NSD1: variants seen among roughly 807,000 people sequenced by gnomAD.
The protein encoded by NSD1 is nuclear receptor binding SET domain protein 1.
A neutral mutation model predicts 242.7 loss-of-function variants in NSD1; 26 were observed. The ratio of observed to expected loss-of-function variants is 0.11; its 90% confidence interval spans 0.08 to 0.15. NSD1 has a LOEUF of 0.15. Ranked by LOEUF, NSD1 falls within the 10% of genes least tolerant of loss-of-function variation. NSD1 has a pLI of 1.00. For synonymous variants in NSD1, 1,106 were observed against 1,178.1 expected, an observed-to-expected ratio of 0.94 and a Z score of 1.25; for missense variants, 2,495 against 3,272.8, an observed-to-expected ratio of 0.76 and a Z score of 5.80.
chr5:177,284,315 C>G (rs1759126622), intron 20 of NSD1, among the ~76,000 whole-genome samples: 2 of 152,226 alleles, frequency 1.3e-5, no homozygotes, highest in South Asian at 4.1e-4. Context: ...GAGCATTGCT[C>G]TGTTGCCCAG....
intron 13 of NSD1, among the ~76,000 whole-genome samples, chr5:177,259,333 G>A (rs913417276): frequency 3.9e-5 from 6 of 152,140 alleles, no homozygotes; most frequent in South Asian, 2.1e-4. Flanking sequence ...TTGCAGTTTC[G>A]ATGAGTGTGA....
chr5:177,280,416 C>A, intron 17 of NSD1, 149 bp from the exon 18 acceptor site: 1 of 864,710 alleles, frequency 1.2e-6, no homozygotes. Flanking sequence ...TCAAGTGAGG[C>A]TCTGTTTTTA....
intron 2 of NSD1, among the ~76,000 whole-genome samples, chr5:177,152,225 T>G (rs1757769655): frequency 6.6e-6 from 1 of 151,406 alleles, no homozygotes. Context: ...AGGCTAGTCT[T>G]TAATTCTTGG....
chr5:177,188,058 C>G (rs897511008), intron 2 of NSD1, among the ~76,000 whole-genome samples: 1 of 152,174 alleles, frequency 6.6e-6, no homozygotes, highest in Non-Finnish European at 1.5e-5. Context: ...TCTTTACTTA[C>G]ATTTTCTCTG....
intron 4 of NSD1, among the ~76,000 whole-genome samples, chr5:177,207,067 G>T (rs1762929433): frequency 6.6e-6 from 1 of 151,902 alleles, no homozygotes; most frequent in South Asian, 2.1e-4. Context: ...CTCCCAAGTA[G>T]CTGAGATTAC....
intron 12 of NSD1, among the ~76,000 whole-genome samples, chr5:177,255,092 G>A (rs1320512414): frequency 1.3e-5 from 2 of 152,072 alleles, no homozygotes. Flanking sequence ...ATTTTTTAAG[G>A]TCAGAAGTTT....
At chr5:177,230,216 G>C (rs765623450) in intron 5 of NSD1, among the ~76,000 whole-genome samples, 2 of 152,092 alleles carry the variant, frequency 1.3e-5, no homozygotes, top group Non-Finnish European at 2.9e-5. Context: ...CTGCCTCCTG[G>C]GTTCAAGTGA....
At chr5:177,278,217 C>A (rs1002012617) in intron 17 of NSD1, among the ~76,000 whole-genome samples, 1 of 152,188 alleles carries the variant, frequency 6.6e-6, no homozygotes, top group African/African-American at 2.4e-5. Context: ...ATACGATCCT[C>A]CCACTGCAGC....
chr5:177,185,731 A>G (rs1326494918), intron 2 of NSD1, among the ~76,000 whole-genome samples: 6 of 103,902 alleles, frequency 5.8e-5, no homozygotes, highest in African/African-American at 2.4e-4. Flanking sequence ...TATATATTAT[A>G]TATATTTTAT....
At chr5:177,200,833 T>G (rs1328046885) in intron 3 of NSD1, among the ~76,000 whole-genome samples, 19 of 152,114 alleles carry the variant, frequency 1.2e-4, no homozygotes, top group Non-Finnish European at 1.5e-5. Context: ...AACATTTGGG[T>G]TGTTTTCCTT....
intron 3 of NSD1, among the ~76,000 whole-genome samples, chr5:177,203,865 T>C (rs1762674400): frequency 6.6e-6 from 1 of 152,228 alleles, no homozygotes; most frequent in Admixed American, 6.5e-5. Flanking sequence ...AATCTACATT[T>C]AGCTGGTTTT....
chr5:177,242,195 A>G (rs1261279290), intron 8 of NSD1, among the ~76,000 whole-genome samples: 2 of 152,084 alleles, frequency 1.3e-5, no homozygotes, highest in Non-Finnish European at 2.9e-5. Flanking sequence ...GGAGCATTGT[A>G]ATTATTTTGT....
At chr5:177,257,973 C>CTTTTTTTTTTTTTTTTTTTTTTT in intron 13 of NSD1, among the ~76,000 whole-genome samples, 1 of 52,550 alleles carries the variant, frequency 1.9e-5, no homozygotes, top group Non-Finnish European at 3.2e-5. Context: ...CCCCCTGGGC[C>CTTTTTTTTTTTTTTTTTTTTTTT]TTTTTTTTTT....
chr5:177,257,192 C>A, intron 13 of NSD1, 41 bp downstream of exon 13: 30 of 1,327,900 alleles, frequency 2.3e-5, no homozygotes, highest in Non-Finnish European at 2.8e-5. Flanking sequence ...TGTAAAACCT[C>A]AGTTTAATTG....
intron 5 of NSD1, among the ~76,000 whole-genome samples, chr5:177,228,026 A>G (rs1764768057): frequency 6.6e-6 from 1 of 150,672 alleles, no homozygotes; most frequent in Non-Finnish European, 1.5e-5. Flanking sequence ...CTCAGGCTGC[A>G]TTGCGCTGTA....
chr5:177,176,276 T>G (rs75534047), intron 2 of NSD1, among the ~76,000 whole-genome samples: 1 of 151,988 alleles, frequency 6.6e-6, no homozygotes, highest in Non-Finnish European at 1.5e-5. Context: ...TTTTTTTTTT[T>G]GAGATGGAGT....
At chr5:177,185,525 G>T (rs1344954001) in intron 2 of NSD1, among the ~76,000 whole-genome samples, 1 of 150,556 alleles carries the variant, frequency 6.6e-6, no homozygotes, top group Admixed American at 6.8e-5. Flanking sequence ...TTGAACCCAG[G>T]AGGCGGAGGT....
intron 11 of NSD1, among the ~76,000 whole-genome samples, chr5:177,250,535 G>A (rs886647898): frequency 2.7e-5 from 4 of 148,070 alleles, no homozygotes; most frequent in African/African-American, 9.9e-5. Context: ...TGTAATTAAC[G>A]TTTTCCTATT....
intron 2 of NSD1, among the ~76,000 whole-genome samples, chr5:177,191,640 T>A (rs925589159): frequency 6.6e-6 from 1 of 152,220 alleles, no homozygotes; most frequent in Non-Finnish European, 1.5e-5. Context: ...TAATTTTATT[T>A]TCAAAATACG....
Sources: allele counts gnomAD v4.1 joint callset (sites outside exome capture counted in the v4.1 genomes callset), GRCh38; gene constraint gnomAD v4.1.1; transcripts MANE v1.5; gene names NCBI Gene and HGNC (gene_info 2026-07-23, HGNC 2026-07-21).